BLNK: variants seen among roughly 807,000 people sequenced by gnomAD.
BLNK encodes the protein B-cell linker protein.
BLNK carries 29 observed loss-of-function variants against 73.5 expected under a neutral mutation model. The ratio of observed to expected loss-of-function variants is 0.39; its 90% CI spans 0.29 to 0.54. The LOEUF (loss-of-function observed/expected upper bound fraction) is 0.54, where lower values mean the gene tolerates loss of function less well. Ranked by LOEUF, BLNK falls within the 20% of genes least tolerant of loss-of-function variation. The pLI is 0.61. For synonymous variants in BLNK, 176 were observed against 200.8 expected, an observed-to-expected ratio of 0.88 and a Z score of 1.04; for missense variants, 460 against 562.8, an observed-to-expected ratio of 0.82 and a Z score of 1.85.
At chr10:96,213,790 C>T (rs1354457068) in intron 8 of BLNK, among the ~76,000 whole-genome samples, 5 of 152,284 alleles carry the variant, frequency 3.3e-5, no homozygotes, top group African/African-American at 9.6e-5. Flanking sequence ...CCTGAGTTAT[C>T]GGGAGTTAGG....
chr10:96,203,144 G>C (rs1352406605), intron 13 of BLNK, among the ~76,000 whole-genome samples: 1 of 152,140 alleles, frequency 6.6e-6, no homozygotes, highest in Non-Finnish European at 1.5e-5. Flanking sequence ...CCTGTGCCTA[G>C]AACAATGCCT....
intron 6 of BLNK, among the ~76,000 whole-genome samples, chr10:96,219,528 G>C (rs1554900667): frequency 2.0e-5 from 3 of 152,206 alleles, no homozygotes; most frequent in African/African-American, 7.2e-5. Context: ...TGGCAATGAT[G>C]CCTGAATGGA....
chr10:96,256,740 C>A (rs1415405093), intron 1 of BLNK, among the ~76,000 whole-genome samples: 1 of 151,850 alleles, frequency 6.6e-6, no homozygotes, highest in Non-Finnish European at 1.5e-5. Flanking sequence ...AATCGGCTGG[C>A]AGTGGTGGCG....
chr10:96,235,906 G>A (rs1269459604), intron 3 of BLNK, among the ~76,000 whole-genome samples: 1 of 151,964 alleles, frequency 6.6e-6, no homozygotes, highest in Non-Finnish European at 1.5e-5. Context: ...TGTGCTGCCG[G>A]CCAGTGGGGG....
intron 1 of BLNK, among the ~76,000 whole-genome samples, chr10:96,252,301 C>G (rs1843318502): frequency 6.6e-6 from 1 of 152,086 alleles, no homozygotes; most frequent in South Asian, 2.1e-4. Context: ...TCTGCCTGCC[C>G]CGGGCTCCCA....
rs1277000443 is a variant in BLNK, at chr10:96,190,293, T to C, written c.*1680A>G. 6.0e-6 allele frequency: 4 copies of C among 664,038 alleles called. No individual in the cohort carries two copies. The African/African-American group carries it at 7.0e-5, about 12-fold the overall frequency. The allele number at this position is 664,038 out of a possible 1,614,324, so 41.1% of individuals were successfully genotyped here. On this transcript the variant is annotated 3_prime_UTR_variant, in exon 17 of 17. Transcript: ENST00000224337. ...CGACCACTGCTCAAGAGAACAGCCA[T>C]ACAGGATGGAATCACGCCAGTAGTA...
At chr10:96,219,291 G>A (rs1348850196) in intron 6 of BLNK, among the ~76,000 whole-genome samples, 2 of 152,208 alleles carry the variant, frequency 1.3e-5, no homozygotes, top group Non-Finnish European at 2.9e-5. Context: ...GGGATGTTGA[G>A]TGGCTGCGGA....
At chr10:96,245,389 A>T (rs1186662521) in intron 2 of BLNK, among the ~76,000 whole-genome samples, 1 of 152,192 alleles carries the variant, frequency 6.6e-6, no homozygotes, top group Non-Finnish European at 1.5e-5. Context: ...TGGAAATTTC[A>T]TTTTAGGAAT....
chr10:96,246,769 A>C (rs568150698), intron 2 of BLNK, among the ~76,000 whole-genome samples: 1 of 152,332 alleles, frequency 6.6e-6, no homozygotes, highest in Non-Finnish European at 1.5e-5. Context: ...CTGCAGTGAG[A>C]AGGAAAATCA....
chr10:96,210,395 G>C (rs782458847), intron 8 of BLNK: 1 of 170,836 alleles, frequency 5.9e-6, no homozygotes, highest in East Asian at 1.5e-4. Flanking sequence ...ACTTAAATAC[G>C]GTAAATGCCT....
intron 3 of BLNK, 26 bp downstream of exon 3, chr10:96,242,709 G>T: frequency 1.2e-6 from 2 of 1,603,440 alleles, no homozygotes; most frequent in Non-Finnish European, 1.7e-6. Flanking sequence ...TCAAGAGTCA[G>T]TTAAAGTATC....
intron 1 of BLNK, among the ~76,000 whole-genome samples, chr10:96,266,517 G>A (rs1554914333): frequency 1.3e-5 from 2 of 152,178 alleles, no homozygotes; most frequent in African/African-American, 2.4e-5. Flanking sequence ...AAGTCCACTC[G>A]CACTAAGCCA....
At chr10:96,227,760 G>A (rs1308227464) in intron 4 of BLNK, among the ~76,000 whole-genome samples, 194 bp from the exon 5 acceptor site, 5 of 152,154 alleles carry the variant, frequency 3.3e-5, no homozygotes, top group South Asian at 2.1e-4. Flanking sequence ...AAAGTTTATC[G>A]TCTCCACCAC....
intron 8 of BLNK, 40 bp downstream of exon 8, chr10:96,215,281 A>G (rs1444494074): frequency 1.0e-5 from 16 of 1,570,720 alleles, no homozygotes; most frequent in Non-Finnish European, 7.9e-6. Flanking sequence ...TCTTATTTGA[A>G]ATAGACGTAA....
intron 3 of BLNK, among the ~76,000 whole-genome samples, chr10:96,240,486 C>G (rs905577978): frequency 1.3e-5 from 2 of 152,104 alleles, no homozygotes; most frequent in Admixed American, 1.3e-4. Flanking sequence ...TCTTAAACTC[C>G]TGGCCTCAAG....
chr10:96,189,377 A>G lies in BLNK; in HGVS notation c.*2596T>C, dbSNP rs781943000. ...ACTATTTTCTAAAGAGACTTCCTCC[A>G]CTGCCAGGATCTTGAATAGTCTCCT... On this transcript the variant is annotated 3_prime_UTR_variant, in exon 17 of 17. Coordinates refer to ENST00000224337, the MANE Select transcript of BLNK (RefSeq NM_013314.4). The G allele has an allele frequency of 7.0e-6, 4 of 574,268 alleles. No homozygotes were observed. The highest frequency in any genetic ancestry group is 1.3e-5 in the Non-Finnish European group (4 of 304,664). 35.6% of individuals were successfully genotyped at this position (574,268 alleles called of 1,614,324 possible).
chr10:96,202,024 C>G (rs587725977), intron 13 of BLNK, among the ~76,000 whole-genome samples: 1 of 152,028 alleles, frequency 6.6e-6, no homozygotes, highest in East Asian at 1.9e-4. Flanking sequence ...AAGAATGTCC[C>G]GGGTAGAGGG....
At chr10:96,240,633 A>T (rs1554906028) in intron 3 of BLNK, among the ~76,000 whole-genome samples, 1 of 152,106 alleles carries the variant, frequency 6.6e-6, no homozygotes, top group Non-Finnish European at 1.5e-5. Context: ...AAGGAAATTG[A>T]TTGTATCTAT....
At chr10:96,223,795 C>T in intron 6 of BLNK, 31 bp downstream of exon 6, 2 of 1,612,478 alleles carry the variant, frequency 1.2e-6, no homozygotes, top group African/African-American at 1.3e-5. Context: ...CCTCTGTGTC[C>T]TGGGAAGCCT....
Sources: gnomAD v4.1 joint callset for allele counts (sites outside exome capture counted in the v4.1 genomes callset) on GRCh38, gnomAD v4.1.1 for gene constraint, MANE v1.5 for transcripts, NCBI Gene and HGNC (gene_info 2026-07-23, HGNC 2026-07-21) for gene names.